The following RIT2 variants were observed in gnomAD, a reference collection of about 807,000 sequenced individuals.
The protein encoded by RIT2 is GTP-binding protein Rit2.
RIT2 carries 24 observed loss-of-function variants against 23.7 expected under a neutral mutation model. The observed-to-expected ratio is 1.01, with a 90% CI of 0.73 to 1.43. RIT2 has a LOEUF of 1.43. Ranked by LOEUF, RIT2 falls within the 40% of genes most tolerant of loss-of-function variation. RIT2 has a pLI of 0.00. For synonymous variants in RIT2, 107 were observed against 91.1 expected, an observed-to-expected ratio of 1.17 and a Z score of -0.99; for missense variants, 236 against 266.9, an observed-to-expected ratio of 0.88 and a Z score of 0.81.
At chr18:43,060,279 C>T (rs1484404177) in intron 1 of RIT2, among the ~76,000 whole-genome samples, 2 of 152,114 alleles carry the variant, frequency 1.3e-5, no homozygotes, top group African/African-American at 4.8e-5. Flanking sequence ...CAGTATTACT[C>T]TGCCATATGA....
intron 4 of RIT2, among the ~76,000 whole-genome samples, chr18:42,838,884 C>G (rs1173405348): frequency 6.6e-6 from 1 of 152,170 alleles, no homozygotes; most frequent in Non-Finnish European, 1.5e-5. Context: ...GGTATTGAAA[C>G]TGGCATGCAC....
At chr18:43,064,213 G>A (rs1912719005) in intron 1 of RIT2, among the ~76,000 whole-genome samples, 2 of 152,164 alleles carry the variant, frequency 1.3e-5, no homozygotes, top group South Asian at 4.1e-4. Flanking sequence ...TAGGAAAAAT[G>A]CTAGCATCTT....
intron 4 of RIT2, among the ~76,000 whole-genome samples, chr18:42,769,300 A>C (rs1163460481): frequency 6.6e-6 from 1 of 152,110 alleles, no homozygotes; most frequent in African/African-American, 2.4e-5. Flanking sequence ...AAACTTCTAC[A>C]TTGGTATTCT....
intron 2 of RIT2, among the ~76,000 whole-genome samples, chr18:42,994,545 C>T (rs1910932190): frequency 6.6e-6 from 1 of 152,136 alleles, no homozygotes; most frequent in African/African-American, 2.4e-5. Flanking sequence ...TCTTTCCATT[C>T]CTCGAAGACA....
intron 4 of RIT2, among the ~76,000 whole-genome samples, chr18:42,852,988 C>T (rs1035189672): frequency 3.7e-4 from 57 of 152,184 alleles, no homozygotes; most frequent in Non-Finnish European, 6.6e-4. Context: ...TGTCCACCAC[C>T]GTGCCTAGCT....
chr18:43,007,010 G>T (rs2144249305), intron 2 of RIT2, among the ~76,000 whole-genome samples: 1 of 151,482 alleles, frequency 6.6e-6, no homozygotes, highest in East Asian at 2.0e-4. Context: ...GAGAAAAACA[G>T]AATAATATAT....
chr18:42,761,091 T>A (rs1472324871), intron 4 of RIT2, among the ~76,000 whole-genome samples: 1 of 152,244 alleles, frequency 6.6e-6, no homozygotes, highest in Non-Finnish European at 1.5e-5. Context: ...GAGTCACTTT[T>A]CTCTTCAATC....
chr18:42,798,578 A>G (rs1055671913), intron 4 of RIT2, among the ~76,000 whole-genome samples: 9 of 152,278 alleles, frequency 5.9e-5, no homozygotes, highest in African/African-American at 2.2e-4. Context: ...AATTGGAAAG[A>G]TAATTACAGA....
intron 1 of RIT2, among the ~76,000 whole-genome samples, chr18:43,094,114 G>GTTTTTTTTTT (rs796958736): frequency 1.1e-4 from 7 of 63,480 alleles, no homozygotes; most frequent in Non-Finnish European, 2.3e-4. Flanking sequence ...GTATTAGTGG[G>GTTTTTTTTTT]TTTTTTTTGT....
chr18:42,893,964 T>C (rs1458547967), intron 4 of RIT2, among the ~76,000 whole-genome samples: 1 of 152,174 alleles, frequency 6.6e-6, no homozygotes, highest in African/African-American at 2.4e-5. Context: ...AATTATTACA[T>C]TTAAAAGATC....
chr18:42,941,133 AG>A (rs1909590517), intron 3 of RIT2, among the ~76,000 whole-genome samples: 1 of 152,184 alleles, frequency 6.6e-6, no homozygotes, highest in Non-Finnish European at 1.5e-5. Flanking sequence ...GTGGGGAAGA[AG>A]GGATATCCAG....
intron 4 of RIT2, among the ~76,000 whole-genome samples, chr18:42,867,588 C>G (rs1014073225): frequency 6.6e-6 from 1 of 150,784 alleles, no homozygotes; most frequent in Non-Finnish European, 1.5e-5. Flanking sequence ...GAGTTGGAGA[C>G]CAGCCTAGGC....
chr18:42,984,168 A>G (rs1483366369), intron 2 of RIT2, among the ~76,000 whole-genome samples: 1 of 152,146 alleles, frequency 6.6e-6, no homozygotes, highest in Non-Finnish European at 1.5e-5. Context: ...ATATTTTTCA[A>G]TCAATGAATG....
At chr18:42,937,602 T>C (rs1468948460) in intron 3 of RIT2, among the ~76,000 whole-genome samples, 4 of 152,148 alleles carry the variant, frequency 2.6e-5, no homozygotes, top group African/African-American at 9.7e-5. Context: ...AAGCATCAAA[T>C]GCAACTGCAA....
intron 1 of RIT2, among the ~76,000 whole-genome samples, chr18:43,052,305 A>G (rs1334238831): frequency 6.6e-6 from 1 of 152,118 alleles, no homozygotes; most frequent in East Asian, 1.9e-4. Flanking sequence ...GAGAAATTTA[A>G]TTAGGATTGT....
chr18:42,893,813 A>T (rs191596473), intron 4 of RIT2, among the ~76,000 whole-genome samples: 1 of 152,050 alleles, frequency 6.6e-6, no homozygotes, highest in Non-Finnish European at 1.5e-5. Flanking sequence ...GGGCTGGTAC[A>T]CCCCTCACTC....
intron 2 of RIT2, among the ~76,000 whole-genome samples, chr18:43,005,355 C>T (rs1439521476): frequency 6.6e-6 from 1 of 151,722 alleles, no homozygotes; most frequent in African/African-American, 2.4e-5. Flanking sequence ...CAGTTGTTTA[C>T]AAAGGGAATA....
chr18:42,835,607 G>C (rs1468152773), intron 4 of RIT2, among the ~76,000 whole-genome samples: 1 of 151,942 alleles, frequency 6.6e-6, no homozygotes, highest in East Asian at 1.9e-4. Context: ...AAATAAAGTT[G>C]GAATTGTACC....
At chr18:42,801,863 CT>C (rs1313238049) in intron 4 of RIT2, among the ~76,000 whole-genome samples, 2 of 152,164 alleles carry the variant, frequency 1.3e-5, no homozygotes, top group East Asian at 3.9e-4. Context: ...TAACTGGATG[CT>C]AGTGCTACCA....
Sources: gnomAD v4.1 joint callset for allele counts (sites outside exome capture counted in the v4.1 genomes callset) on GRCh38, gnomAD v4.1.1 for gene constraint, MANE v1.5 for transcripts, NCBI Gene and HGNC (gene_info 2026-07-23, HGNC 2026-07-21) for gene names.